DMD: variants seen among roughly 807,000 people sequenced by gnomAD.
DMD encodes the protein dystrophin, also known as mutant dystrophin.
DMD carries 63 observed loss-of-function variants against 330.1 expected under a neutral mutation model. The ratio of observed to expected loss-of-function variants is 0.19; its 90% CI spans 0.16 to 0.24. The LOEUF is 0.24. Ranked by LOEUF, DMD falls within the 10% of genes least tolerant of loss-of-function variation. The probability of loss-of-function intolerance (pLI) is 1.00; values close to 1 mark genes in which losing one functional copy is unlikely to be tolerated. For missense variants in DMD, 3,344 were observed against 2,684.1 expected, an observed-to-expected ratio of 1.25 and a Z score of -5.43; for synonymous variants, 1,223 against 959.8, an observed-to-expected ratio of 1.27 and a Z score of -5.07.
intron 45 of DMD, among the ~76,000 whole-genome samples, chrX:31,943,469 A>G (rs1252269163): frequency 8.9e-6 from 1 of 112,121 alleles, no homozygotes; most frequent in Non-Finnish European, 1.9e-5. Context: ...AAATTCACGA[A>G]CATTTCCAAC....
chrX:31,759,470 A>T (rs1255028082), intron 51 of DMD, among the ~76,000 whole-genome samples: 1 of 111,497 alleles, frequency 9.0e-6, no homozygotes, highest in Non-Finnish European at 1.9e-5. Context: ...AACAAAAGAG[A>T]TGGCATTCTG....
intron 73 of DMD, among the ~76,000 whole-genome samples, chrX:31,172,081 C>T (rs993801381): frequency 9.0e-6 from 1 of 111,571 alleles, no homozygotes; most frequent in Admixed American, 9.6e-5. Flanking sequence ...TGGGACTCTG[C>T]AATTTGTAAT....
intron 27 of DMD, among the ~76,000 whole-genome samples, chrX:32,445,240 G>C (rs1316747614): frequency 9.0e-6 from 1 of 110,900 alleles, no homozygotes; most frequent in African/African-American, 3.3e-5. Context: ...AGTCTATAGA[G>C]AACGAGCCAG....
Position 32,013,998 on chromosome X carries a change from ATGT to A in DMD, c.6439-45487_6439-45485del, listed in dbSNP as rs201723736. Among the ~76,000 whole-genome samples, 1,098 of 112,434 alleles carry A rather than the reference ATGT, an allele frequency of 9.8e-3. 16 individuals carry two copies. The highest frequency in any genetic ancestry group is 0.033 in the African/African-American group (1,015 of 30,988). On this transcript the variant is annotated intron_variant, in intron 44 of 78. Transcript: ENST00000357033. The stretch of plus-strand genomic sequence containing the variant: ...TAACATCATTTACAAGTTCAATTTA[ATGT>A]ATATGGAAATCATAGTGCATATCAG...
chrX:32,504,525 G>T (rs1020894316), intron 18 of DMD, among the ~76,000 whole-genome samples: 6 of 110,710 alleles, frequency 5.4e-5, no homozygotes, highest in Admixed American at 1.9e-4. Flanking sequence ...TACTCTGGAG[G>T]CTGAGGCAGG....
intron 17 of DMD, among the ~76,000 whole-genome samples, chrX:32,526,791 G>T (rs1226349327): frequency 1.8e-5 from 2 of 112,379 alleles, no homozygotes; most frequent in African/African-American, 6.5e-5. Flanking sequence ...AACATTACAT[G>T]AATTAGTGCT....
intron 67 of DMD, among the ~76,000 whole-genome samples, chrX:31,197,838 A>C (rs779373601): frequency 1.7e-4 from 19 of 111,402 alleles, no homozygotes; most frequent in African/African-American, 5.5e-4. Context: ...GAATCAACCT[A>C]AGCGCCCATC....
At chrX:31,538,988 T>C (rs1434447336) in intron 55 of DMD, among the ~76,000 whole-genome samples, 4 of 112,110 alleles carry the variant, frequency 3.6e-5, no homozygotes, top group African/African-American at 1.3e-4. Flanking sequence ...GACTCTCTCT[T>C]CATGGTGAGG....
chrX:31,369,356 A>T (rs2059425632), intron 60 of DMD, among the ~76,000 whole-genome samples: 1 of 112,271 alleles, frequency 8.9e-6, no homozygotes, highest in Non-Finnish European at 1.9e-5. Flanking sequence ...GAACAATATC[A>T]GGGAGATAAA....
rs1484739543 is a variant in DMD at position 31,372,990 on chromosome X, G to T, written c.9085-24356C>A. 5.3e-3 allele frequency among the ~76,000 whole-genome samples: 589 copies of T among 111,147 alleles called. 1 individual carries two copies. The highest frequency in any genetic ancestry group is 9.5e-3 in the Non-Finnish European group (502 of 52,956). On this transcript the variant is annotated intron_variant, in intron 60 of 78. Transcript: ENST00000357033. ...TTCAGCAAAGTCTCAGGATACAAAA[G>T]CAATGTGCAAAAATCACAAGCATTC...
chrX:31,347,376 A>AC (rs201162964), intron 61 of DMD, among the ~76,000 whole-genome samples: 8,132 of 110,063 alleles, frequency 0.074, 319 homozygotes, highest in East Asian at 0.12. Context: ...CCCATTAACC[A>AC]CCCTCTCTTT....
At chrX:32,442,208 T>C (rs763931901) in intron 27 of DMD, among the ~76,000 whole-genome samples, 1 of 110,606 alleles carries the variant, frequency 9.0e-6, no homozygotes, top group African/African-American at 3.3e-5. Context: ...AATTAGGACC[T>C]TCTATTCATC....
intron 1 of DMD, among the ~76,000 whole-genome samples, chrX:33,168,458 A>G (rs1201326602): frequency 5.5e-5 from 6 of 108,248 alleles, no homozygotes; most frequent in African/African-American, 2.0e-4. Context: ...ATCCTAGAAA[A>G]TTCCTGATAT....
chrX:32,167,640 C>T (rs772768468), intron 44 of DMD, among the ~76,000 whole-genome samples: 1 of 112,438 alleles, frequency 8.9e-6, no homozygotes, highest in African/African-American at 3.2e-5. Context: ...CCCTGATACA[C>T]GGTTAATGCT....
chrX:31,394,962 A>AGAGAGAGAGAGAGAGAG (rs2060854934), intron 60 of DMD, among the ~76,000 whole-genome samples: 1 of 108,760 alleles, frequency 9.2e-6, no homozygotes, highest in Non-Finnish European at 1.9e-5. Context: ...AGAGAGAGAG[A>AGAGAGAGAGAGAGAGAG]CCAAGTGTGG....
chrX:32,047,311 T>C (rs1295664333), intron 44 of DMD, among the ~76,000 whole-genome samples: 1 of 111,527 alleles, frequency 9.0e-6, no homozygotes. Context: ...AAGAGAAAGA[T>C]AGAAACAGAG....
In DMD at chrX:32,545,345, T is replaced by C; in HGVS notation, c.1993-11A>G. The C allele has an allele frequency of 8.3e-7, 1 of 1,207,682 alleles. No homozygotes were observed. The highest frequency in any genetic ancestry group is 1.8e-5 in the South Asian group (1 of 56,904). ...GACAGCCTGTGAAATCTGTGAGAAG[T>C]ATTGAAACAGAGGTCAGACATTGCT... On this transcript the variant is annotated splice_polypyrimidine_tract_variant and intron_variant, in intron 16 of 78. Coordinates refer to ENST00000357033, the MANE Select transcript of DMD (RefSeq NM_004006.3).
At chrX:32,859,461 TCACACACACACACACACA>T (rs35537635) in intron 2 of DMD, among the ~76,000 whole-genome samples, 3,923 of 86,023 alleles carry the variant, frequency 0.046, 239 homozygotes, top group African/African-American at 0.15. Flanking sequence ...AAGCAAGATC[TCACACACACACACACACA>T]CACACACACA....
intron 44 of DMD, among the ~76,000 whole-genome samples, chrX:32,196,941 G>A (rs1402638100): frequency 4.5e-5 from 4 of 88,206 alleles, no homozygotes; most frequent in African/African-American, 1.8e-4. Flanking sequence ...AGCCAAGATC[G>A]CGCCACTGTA....
Sources: gnomAD v4.1 joint callset for allele counts (sites outside exome capture counted in the v4.1 genomes callset) on GRCh38, gnomAD v4.1.1 for gene constraint, MANE v1.5 for transcripts, NCBI Gene and HGNC (gene_info 2026-07-23, HGNC 2026-07-21) for gene names.